CASK: variants seen among roughly 807,000 people sequenced by gnomAD.
The protein encoded by CASK is calcium/calmodulin dependent serine protein kinase, also known as peripheral plasma membrane protein CASK.
Under a neutral mutation model 82.9 loss-of-function variants are expected in CASK, and 4 were observed. The ratio of observed to expected loss-of-function variants is 0.05; its 90% CI spans 0.02 to 0.11. The LOEUF (loss-of-function observed/expected upper bound fraction) is 0.11. Among genes scored for constraint, CASK ranks in the 10% least tolerant of loss-of-function variants. The probability of loss-of-function intolerance (pLI) is 1.00; values close to 1 mark genes in which losing one functional copy is unlikely to be tolerated. For missense variants in CASK, 358 were observed against 720.9 expected (o/e 0.50, Z 5.76); for synonymous variants, 259 against 253.5 (o/e 1.02, Z -0.20).
chrX:41,838,447 A>G (rs2070970783), intron 2 of CASK, among the ~76,000 whole-genome samples: 1 of 112,208 alleles, frequency 8.9e-6, no homozygotes, highest in African/African-American at 3.2e-5. Context: ...ATATTAGGGT[A>G]CATTTTCTTT....
chrX:41,731,216 T>C (rs1436659357), intron 5 of CASK, among the ~76,000 whole-genome samples: 1 of 112,022 alleles, frequency 8.9e-6, no homozygotes. Context: ...GCCCAGGAGT[T>C]TGAGACCAGC....
intron 5 of CASK, among the ~76,000 whole-genome samples, chrX:41,713,389 G>A (rs955563690): frequency 8.9e-6 from 1 of 112,209 alleles, no homozygotes; most frequent in Non-Finnish European, 1.9e-5. Context: ...AATGGCCAGC[G>A]TGGTGGACTG....
At chrX:41,775,403 G>A (rs1450406258) in intron 3 of CASK, among the ~76,000 whole-genome samples, 3 of 108,329 alleles carry the variant, frequency 2.8e-5, no homozygotes, top group African/African-American at 1.0e-4. Context: ...TGGAGAGGAT[G>A]TGGAGAAATA....
At chrX:41,676,507 C>T in intron 5 of CASK, 1 of 1,184,445 alleles carries the variant, frequency 8.4e-7, no homozygotes, top group African/African-American at 1.7e-5. Flanking sequence ...CTGGATGTTC[C>T]CGCAGTGGGC....
rs757321606 is a variant in CASK, at chrX:41,696,204, A to G, written c.430-24674T>C. On this transcript the variant is annotated intron_variant, in intron 5 of 26. Coordinates refer to ENST00000378163, the MANE Select transcript of CASK (RefSeq NM_001367721.1). ...TCTTGGTGGATTCCTAACTATGATTATTTTAACACTTAAGAAAGGAGGGCA... is the reference window on the plus strand; with the variant it reads ...TCTTGGTGGATTCCTAACTATGATTGTTTTAACACTTAAGAAAGGAGGGCA... 114 of 1,202,225 alleles carry G rather than the reference A, an allele frequency of 9.5e-5. No individual in the cohort carries two copies. The Admixed American group carries it at 2.4e-3, about 25-fold the overall frequency.
chrX:41,892,068 C>T (rs1198608947), intron 1 of CASK, among the ~76,000 whole-genome samples: 5 of 110,110 alleles, frequency 4.5e-5, no homozygotes, highest in Non-Finnish European at 9.5e-5. Flanking sequence ...TGGCACATAC[C>T]TGTAGTCCCA....
chrX:41,637,094 G>C (rs925237383), intron 8 of CASK, among the ~76,000 whole-genome samples: 5 of 110,276 alleles, frequency 4.5e-5, no homozygotes, highest in African/African-American at 1.6e-4. Flanking sequence ...TGAGTAGCTG[G>C]GATATAAGTG....
At position 41,534,712 on chromosome X, in the gene CASK, T is replaced by C. The variant is rs1454448844; in HGVS notation, c.2311A>G (p.Ile771Val). 8.4e-7 allele frequency: 1 copy of C among 1,197,369 alleles called. No homozygotes were observed. The highest frequency in any genetic ancestry group is 1.8e-5 in the South Asian group (1 of 56,634). The change falls in exon 24 of 27, where the codon ATT (isoleucine) becomes GTT (valine). Residue 771 changes from isoleucine to valine, a missense_variant. Around this residue, in one of 5 missense-constraint regions of CASK, gnomAD observed 118 missense variants for 169.4 expected, o/e 0.70. Coordinates refer to ENST00000378163, the MANE Select transcript of CASK (RefSeq NM_001367721.1). ...TKHPDRFAYP[I>V]PHTTRPPKKD... Reference sequence around the variant, plus strand: ...AGATTGAGACATTGCTTACGTGGAATAGGGTACGCAAACCGGTCTGGGTGC... The same window carrying C: ...AGATTGAGACATTGCTTACGTGGAACAGGGTACGCAAACCGGTCTGGGTGC...
At chrX:41,799,866 C>T (rs774948129) in intron 2 of CASK, among the ~76,000 whole-genome samples, 9 of 105,808 alleles carry the variant, frequency 8.5e-5, no homozygotes, top group Admixed American at 4.2e-4. Context: ...AGGGCAGATC[C>T]GCCCCTTGAG....
intron 1 of CASK, among the ~76,000 whole-genome samples, chrX:41,861,271 C>T (rs889348668): frequency 9.0e-6 from 1 of 110,702 alleles, no homozygotes; most frequent in South Asian, 3.8e-4. Flanking sequence ...CGTGTGCATG[C>T]GTGTGTGAGA....
At chrX:41,854,271 C>CAT (rs2071332431) in intron 1 of CASK, among the ~76,000 whole-genome samples, 8 of 109,797 alleles carry the variant, frequency 7.3e-5, no homozygotes, top group African/African-American at 2.3e-4. Context: ...CACACACACA[C>CAT]ACGGTTCCCT....
intron 10 of CASK, among the ~76,000 whole-genome samples, chrX:41,625,373 A>G (rs2066351494): frequency 9.1e-6 from 1 of 109,690 alleles, no homozygotes; most frequent in Admixed American, 9.7e-5. Flanking sequence ...TTTCTAGTAG[A>G]GACAGGTTTT....
rs2065514634 is a variant in CASK, at chrX:41,578,399, T to C, written c.1444A>G (p.Met482Val). Reference protein sequence around the residue: ...SPESANGDMDMENVTRVRLVQ... With the variant: ...SPESANGDMDVENVTRVRLVQ... ...AGCCGAACTCTGGTCACATTCTCCA[T>C]ATCCATGTCTCCGTTAGCACTTTCT... The change falls in exon 15 of 27, where the codon ATG (methionine) becomes GTG (valine). Residue 482 changes from methionine (M) to valine (V), a missense_variant. Around this residue, in one of 5 missense-constraint regions of CASK, gnomAD observed 110 missense variants for 218.8 expected, o/e 0.50. Coordinates refer to ENST00000378163, the MANE Select transcript of CASK (RefSeq NM_001367721.1). 2.5e-6 allele frequency: 3 copies of C among 1,205,340 alleles called. No homozygotes were observed. The highest frequency in any genetic ancestry group is 4.4e-5 in the Admixed American group (2 of 45,556).
chrX:41,546,775 G>A (rs1226441072), intron 21 of CASK, among the ~76,000 whole-genome samples: 2 of 111,681 alleles, frequency 1.8e-5, no homozygotes, highest in Non-Finnish European at 3.8e-5. Flanking sequence ...ACCACGCCTG[G>A]TCATTTTTTA....
intron 1 of CASK, among the ~76,000 whole-genome samples, chrX:41,867,058 G>A (rs763850435): frequency 2.4e-4 from 27 of 112,271 alleles, no homozygotes; most frequent in Non-Finnish European, 4.7e-4. Context: ...ATGGCACACT[G>A]TTTGGGAATT....
At chrX:41,852,311 C>T (rs200566871) in intron 2 of CASK, among the ~76,000 whole-genome samples, 1 of 111,290 alleles carries the variant, frequency 9.0e-6, no homozygotes, top group East Asian at 2.8e-4. Context: ...CTAGATTTTC[C>T]AATCTAAATT....
At chrX:41,582,227 C>T (rs746967510) in intron 14 of CASK, among the ~76,000 whole-genome samples, 71 of 112,211 alleles carry the variant, frequency 6.3e-4, no homozygotes, top group South Asian at 1.5e-3. Context: ...TAGATATTTT[C>T]CTGCGTGCCA....
At chrX:41,918,372 T>C (rs2148107112) in intron 1 of CASK, among the ~76,000 whole-genome samples, 1 of 112,640 alleles carries the variant, frequency 8.9e-6, no homozygotes, top group African/African-American at 3.2e-5. Context: ...ACAGCATTAC[T>C]GGAATCACAA....
chrX:41,705,335 T>C lies in CASK; in HGVS notation c.430-33805A>G, dbSNP rs72626421. On this transcript the variant is annotated intron_variant, in intron 5 of 26. Coordinates refer to ENST00000378163, the MANE Select transcript of CASK (RefSeq NM_001367721.1). ...ATTCTGGGAGGCTGAGGTGGGAGGA[T>C]TGCTTGAGCTCAGGAGTTCCAGACC... is the stretch of plus-strand genomic sequence containing the variant. Among the ~76,000 whole-genome samples the C allele has an allele frequency of 1.3e-4, 15 of 111,735 alleles. No homozygotes were observed. The East Asian group carries it at 3.7e-3, about 27-fold the overall frequency.
Sources: allele counts gnomAD v4.1 joint callset (sites outside exome capture counted in the v4.1 genomes callset), GRCh38; gene constraint gnomAD v4.1.1; regional missense constraint gnomAD v4.1.1; transcripts MANE v1.5; gene names NCBI Gene and HGNC (gene_info 2026-07-23, HGNC 2026-07-21).